The following ADAMTS9 variants were observed in gnomAD, a reference collection of about 807,000 sequenced individuals.
The protein encoded by ADAMTS9 is ADAM metallopeptidase with thrombospondin type 1 motif 9.
A neutral mutation model predicts 257.1 loss-of-function variants in ADAMTS9; 107 were observed. The observed-to-expected ratio is 0.42, with a 90% CI of 0.36 to 0.49. The LOEUF is 0.49. Among genes scored for constraint, ADAMTS9 ranks in the 20% least tolerant of loss-of-function variants. ADAMTS9 has a pLI of 0.03. For missense variants in ADAMTS9, 2,353 were observed against 2,469.1 expected (o/e 0.95, Z 1.00); for synonymous variants, 982 against 880.9 (o/e 1.11, Z -2.03).
intron 19 of ADAMTS9, among the ~76,000 whole-genome samples, chr3:64,619,694 C>A (rs541149482): frequency 9.2e-5 from 14 of 152,082 alleles, no homozygotes; most frequent in African/African-American, 2.9e-4. Context: ...AAAAATAGTT[C>A]TTAGTAAATG....
chr3:64,619,715 T>C (rs1700058726), intron 19 of ADAMTS9, among the ~76,000 whole-genome samples: 1 of 152,130 alleles, frequency 6.6e-6, no homozygotes, highest in African/African-American at 2.4e-5. Flanking sequence ...GTTGACTCTA[T>C]TACCATAACC....
intron 11 of ADAMTS9, among the ~76,000 whole-genome samples, chr3:64,642,375 C>T (rs957886232): frequency 2.4e-4 from 36 of 152,008 alleles, no homozygotes; most frequent in African/African-American, 8.0e-4. Flanking sequence ...ATCAACAAGG[C>T]CTAGAGAAGT....
intron 28 of ADAMTS9, among the ~76,000 whole-genome samples, chr3:64,576,369 GT>G (rs1279207587): frequency 6.6e-6 from 1 of 152,200 alleles, no homozygotes; most frequent in African/African-American, 2.4e-5. Context: ...CTGCTCTGCT[GT>G]GAGAGTTGTC....
At position 64,654,390 on chromosome 3, in the gene ADAMTS9, T is replaced by A. The variant is rs1207520724; in HGVS notation, c.1279A>T (p.Ser427Cys). The A allele has an allele frequency of 6.2e-7, 1 of 1,614,026 alleles. No homozygotes were observed. The highest frequency in any genetic ancestry group is 1.7e-5 in the Admixed American group (1 of 59,996). ...SCSISEDSGL[S>C]TAFTIAHELG... ...TCATGGGCGATCGTAAAAGCTGTAC[T>A]CAATCCACTATCTTCACTAATAGAA... Residue 427 changes from serine (S) to cysteine (C), a missense_variant, in exon 8 of 40, where the codon AGT (serine) becomes TGT (cysteine). Coordinates refer to ENST00000498707, the MANE Select transcript of ADAMTS9 (RefSeq NM_182920.2).
chr3:64,617,192 C>G (rs1255677947), intron 19 of ADAMTS9, among the ~76,000 whole-genome samples: 1 of 152,178 alleles, frequency 6.6e-6, no homozygotes, highest in Non-Finnish European at 1.5e-5. Flanking sequence ...GGAAGTGTGG[C>G]AAAAATGTGG....
At chr3:64,556,771 TTCC>T (rs2083343047) in intron 30 of ADAMTS9, among the ~76,000 whole-genome samples, 1 of 151,598 alleles carries the variant, frequency 6.6e-6, no homozygotes, top group Non-Finnish European at 1.5e-5. Context: ...CCTTTCTTCC[TTCC>T]TCCTTCCTTC....
chr3:64,633,298 A>G (rs749111708), intron 14 of ADAMTS9, among the ~76,000 whole-genome samples, 174 bp downstream of exon 14: 4 of 152,126 alleles, frequency 2.6e-5, no homozygotes, highest in Non-Finnish European at 4.4e-5. Context: ...TTGGCACTAC[A>G]CGCATCAGAA....
At chr3:64,615,823 G>T in intron 20 of ADAMTS9, 137 bp downstream of exon 20, 2 of 1,037,134 alleles carry the variant, frequency 1.9e-6, no homozygotes, top group Non-Finnish European at 2.9e-6. Context: ...TGGAAAGCTT[G>T]AATGGGGTCA....
chr3:64,600,306 G>A (rs570044863), intron 26 of ADAMTS9, among the ~76,000 whole-genome samples: 5 of 152,036 alleles, frequency 3.3e-5, no homozygotes, highest in Admixed American at 2.6e-4. Context: ...GGTCAGACAC[G>A]TCAAGCTAGG....
At chr3:64,541,798 C>T (rs1365958456) in intron 33 of ADAMTS9, 40 bp downstream of exon 33, 1 of 1,611,828 alleles carries the variant, frequency 6.2e-7, no homozygotes, top group Non-Finnish European at 8.5e-7. Context: ...ACATCCTGTT[C>T]TTCATGCTAA....
intron 18 of ADAMTS9, among the ~76,000 whole-genome samples, chr3:64,621,754 T>C (rs1700110287): frequency 2.2e-5 from 3 of 134,012 alleles, no homozygotes; most frequent in Admixed American, 7.7e-5. Context: ...AGACCAAGAC[T>C]CCATCTCAAA....
intron 39 of ADAMTS9, among the ~76,000 whole-genome samples, chr3:64,519,326 A>G (rs2082821047): frequency 6.6e-6 from 1 of 152,112 alleles, no homozygotes; most frequent in Non-Finnish European, 1.5e-5. Flanking sequence ...ATGAAGCAGG[A>G]CCCCTAGAGA....
intron 31 of ADAMTS9, among the ~76,000 whole-genome samples, chr3:64,548,236 G>T: frequency 6.6e-6 from 1 of 152,158 alleles, no homozygotes; most frequent in East Asian, 1.9e-4. Context: ...AATCCCAGAG[G>T]CAGGAGAGAA....
intron 38 of ADAMTS9, among the ~76,000 whole-genome samples, chr3:64,525,531 G>A (rs974554821): frequency 1.3e-5 from 2 of 152,034 alleles, no homozygotes; most frequent in Admixed American, 1.3e-4. Context: ...AAAGCCTCTT[G>A]AAAACAATGG....
chr3:64,603,707 T>G (rs1230244999), intron 25 of ADAMTS9, among the ~76,000 whole-genome samples: 1 of 152,170 alleles, frequency 6.6e-6, no homozygotes. Context: ...ATTTATCCAT[T>G]TTTTGAAATG....
In ADAMTS9 at chr3:64,631,440, G is replaced by C; in HGVS notation, c.2389+15C>G. The stretch of plus-strand genomic sequence containing the variant: ...TAGAACCAGAACTCGCAAGTAGTGA[G>C]GCATCCCATCTCACCTAAGTAGTTG... On this transcript the variant is annotated intron_variant, in intron 16 of 39. Coordinates refer to ENST00000498707, the MANE Select transcript of ADAMTS9 (RefSeq NM_182920.2). 1 of 1,605,734 alleles carries C rather than the reference G, an allele frequency of 6.2e-7. No individual in the cohort carries two copies. The highest frequency in any genetic ancestry group is 8.5e-7 in the Non-Finnish European group (1 of 1,172,426).
At position 64,541,114 on chromosome 3, in the gene ADAMTS9, C is replaced by G. The variant is rs1437640156; in HGVS notation, c.5502G>C (p.Leu1834=). ...FSSFQKIRID[L]TSMQIITTDL... is the part of the protein sequence containing the mutation. ...ACTTACTGATTATCTGCATGCTGGT[C>G]AGGTCTATTCTGATTTTCTGAAAAC... is the stretch of plus-strand genomic sequence containing the variant. The change falls in exon 36 of 40, where the codon CTG becomes CTC. Residue 1834 remains leucine (L), a synonymous_variant. Transcript: ENST00000498707. 1.2e-6 allele frequency: 2 copies of G among 1,613,928 alleles called. No homozygotes were observed. The highest frequency in any genetic ancestry group is 2.7e-5 in the African/African-American group (2 of 74,932).
At chr3:64,617,077 T>C (rs1211898656) in intron 19 of ADAMTS9, among the ~76,000 whole-genome samples, 1 of 152,152 alleles carries the variant, frequency 6.6e-6, no homozygotes, top group Non-Finnish European at 1.5e-5. Context: ...GACACCATAT[T>C]TGGGGGATTT....
intron 3 of ADAMTS9, among the ~76,000 whole-genome samples, chr3:64,677,039 C>T (rs1701638952): frequency 1.3e-5 from 2 of 152,164 alleles, no homozygotes; most frequent in African/African-American, 4.8e-5. Context: ...TGAAACAGAA[C>T]TTGGGATCTC....
Sources: allele counts gnomAD v4.1 joint callset (sites outside exome capture counted in the v4.1 genomes callset), GRCh38; gene constraint gnomAD v4.1.1; transcripts MANE v1.5; gene names NCBI Gene and HGNC (gene_info 2026-07-23, HGNC 2026-07-21).